PTPRD: variants seen among roughly 807,000 people sequenced by gnomAD.
PTPRD encodes the protein receptor-type tyrosine-protein phosphatase delta.
PTPRD carries 34 observed loss-of-function variants against 214.5 expected under a neutral mutation model. The ratio of observed to expected loss-of-function variants is 0.16; its 90% confidence interval spans 0.12 to 0.21. The LOEUF is 0.21. PTPRD is among the 10% of genes least tolerant of loss of function. PTPRD has a pLI of 1.00. For synonymous variants in PTPRD, 1,128 were observed against 845.7 expected (o/e 1.33, Z -5.79); for missense variants, 2,545 against 2,398.7 (o/e 1.06, Z -1.27).
At chr9:9,245,073 A>G (rs1428997191) in intron 9 of PTPRD, among the ~76,000 whole-genome samples, 1 of 152,222 alleles carries the variant, frequency 6.6e-6, no homozygotes, top group Non-Finnish European at 1.5e-5. Context: ...AATGCAAATC[A>G]AAACCACAAT....
chr9:9,535,749 C>T (rs2076383578), intron 8 of PTPRD, among the ~76,000 whole-genome samples: 1 of 152,002 alleles, frequency 6.6e-6, no homozygotes, highest in African/African-American at 2.4e-5. Flanking sequence ...AAAACATTTT[C>T]AGAAGGGATT....
intron 2 of PTPRD, among the ~76,000 whole-genome samples, chr9:10,433,259 T>A (rs1373081750): frequency 6.6e-6 from 1 of 152,012 alleles, no homozygotes; most frequent in Non-Finnish European, 1.5e-5. Flanking sequence ...CAGGCTCTTG[T>A]GCCATTTGCT....
chr9:9,534,269 G>C (rs1043061459), intron 8 of PTPRD, among the ~76,000 whole-genome samples: 1 of 152,008 alleles, frequency 6.6e-6, no homozygotes, highest in Non-Finnish European at 1.5e-5. Context: ...CATTTTAAGA[G>C]TATTATTTAT....
chr9:9,443,242 C>CATAA (rs56225256), intron 8 of PTPRD, among the ~76,000 whole-genome samples: 24,882 of 151,598 alleles, frequency 0.16, 2,279 homozygotes, highest in Middle Eastern at 0.28. Context: ...AATCATATGG[C>CATAA]ATAAATAAAT....
intron 2 of PTPRD, among the ~76,000 whole-genome samples, chr9:10,471,728 G>C (rs1435596748): frequency 1.3e-5 from 2 of 152,030 alleles, no homozygotes; most frequent in Non-Finnish European, 2.9e-5. Context: ...AGATAAAGAA[G>C]TCATCGTTAT....
chr9:10,075,201 C>T (rs930265557), intron 3 of PTPRD, among the ~76,000 whole-genome samples: 5 of 152,126 alleles, frequency 3.3e-5, no homozygotes, highest in Non-Finnish European at 5.9e-5. Context: ...AACCTACATT[C>T]ATTTTTATTA....
chr9:9,282,661 A>G (rs1312287890), intron 9 of PTPRD, among the ~76,000 whole-genome samples: 1 of 151,428 alleles, frequency 6.6e-6, no homozygotes, highest in East Asian at 2.0e-4. Flanking sequence ...TAGCATTTTG[A>G]CTGAACTAAC....
At chr9:9,491,739 T>C (rs2095908667) in intron 8 of PTPRD, among the ~76,000 whole-genome samples, 3 of 151,772 alleles carry the variant, frequency 2.0e-5, no homozygotes, top group African/African-American at 7.3e-5. Context: ...ATGAATAAAA[T>C]AAAACCACAA....
chr9:8,343,183 A>G (rs951835210), intron 39 of PTPRD, among the ~76,000 whole-genome samples: 1 of 152,096 alleles, frequency 6.6e-6, no homozygotes, highest in African/African-American at 2.4e-5. Flanking sequence ...CCTTTATTTA[A>G]CTGCTGAACA....
chr9:8,663,834 A>G (rs2097117761), intron 12 of PTPRD, among the ~76,000 whole-genome samples: 1 of 152,042 alleles, frequency 6.6e-6, no homozygotes, highest in Non-Finnish European at 1.5e-5. Flanking sequence ...ATTTGCTTAA[A>G]TGAAATCACA....
intron 2 of PTPRD, among the ~76,000 whole-genome samples, chr9:10,570,906 C>G (rs1176246264): frequency 6.7e-6 from 1 of 149,312 alleles, no homozygotes; most frequent in Non-Finnish European, 1.5e-5. Flanking sequence ...TACAGGGTTA[C>G]TATTCTTTCC....
chr9:10,531,421 T>C (rs1051733962), intron 2 of PTPRD, among the ~76,000 whole-genome samples: 5 of 152,122 alleles, frequency 3.3e-5, no homozygotes, highest in African/African-American at 4.8e-5. Context: ...ACAGACAGAA[T>C]ACTCAAAGAC....
At chr9:8,592,031 T>C (rs2094143716) in intron 14 of PTPRD, among the ~76,000 whole-genome samples, 1 of 152,158 alleles carries the variant, frequency 6.6e-6, no homozygotes, top group Non-Finnish European at 1.5e-5. Context: ...TTTATTAAAA[T>C]AACTTTGAAA....
intron 5 of PTPRD, among the ~76,000 whole-genome samples, chr9:9,872,765 A>G (rs1387385227): frequency 6.6e-6 from 1 of 152,220 alleles, no homozygotes. Flanking sequence ...AGTAACTTCA[A>G]GTAGTTTTTA....
chr9:10,265,951 C>T (rs2094024826), intron 3 of PTPRD, among the ~76,000 whole-genome samples: 3 of 152,276 alleles, frequency 2.0e-5, no homozygotes, highest in South Asian at 2.1e-4. Context: ...ATAAGAAATG[C>T]TTGCATTTCT....
chr9:9,847,910 A>G (rs994346787), intron 5 of PTPRD, among the ~76,000 whole-genome samples: 9 of 152,140 alleles, frequency 5.9e-5, no homozygotes, highest in Non-Finnish European at 1.0e-4. Flanking sequence ...AAAAAGGCAG[A>G]TCCACGTGAT....
At chr9:9,724,459 G>A (rs2098037880) in intron 7 of PTPRD, among the ~76,000 whole-genome samples, 1 of 152,064 alleles carries the variant, frequency 6.6e-6, no homozygotes. Flanking sequence ...GAAATAACCT[G>A]ATGTACATAT....
rs539414505 is a variant in PTPRD, at chr9:9,821,815, T to C, written c.-367-54964A>G. ...TAAAGCAAGGATTTGAATTTAAATA[T>C]GCTTACAACTTTTCACTTAAAACTT... On this transcript the variant is annotated intron_variant, in intron 5 of 45. Coordinates refer to ENST00000381196, the MANE Select transcript of PTPRD (RefSeq NM_002839.4). Among the ~76,000 whole-genome samples the C allele has an allele frequency of 6.7e-4, 101 of 151,794 alleles. No individual in the cohort carries two copies. The South Asian group carries it at 0.02, about 30-fold the overall frequency.
At chr9:10,107,920 T>C (rs1245600461) in intron 3 of PTPRD, among the ~76,000 whole-genome samples, 2 of 152,126 alleles carry the variant, frequency 1.3e-5, no homozygotes, top group Admixed American at 6.6e-5. Context: ...TATCTGGCAT[T>C]ATTAATAATT....
Sources: allele counts gnomAD v4.1 joint callset (sites outside exome capture counted in the v4.1 genomes callset), GRCh38; gene constraint gnomAD v4.1.1; transcripts MANE v1.5; gene names NCBI Gene and HGNC (gene_info 2026-07-23, HGNC 2026-07-21).